Variants in NRG1 observed in about 807,000 individuals in gnomAD.
NRG1 encodes neuregulin 1, also known as pro-neuregulin-1, membrane-bound isoform.
NRG1 carries 18 observed loss-of-function variants against 63.8 expected under a neutral mutation model. The ratio of observed to expected loss-of-function variants is 0.28; its 90% CI spans 0.19 to 0.42. NRG1 has a LOEUF of 0.42. Among genes scored for constraint, NRG1 ranks in the 10% least tolerant of loss-of-function variants. NRG1 has a pLI of 1.00. For missense variants in NRG1, 762 were observed against 814.7 expected, an observed-to-expected ratio of 0.94 and a Z score of 0.79; for synonymous variants, 302 against 301.3, an observed-to-expected ratio of 1.00 and a Z score of -0.02.
intron 1 of NRG1, among the ~76,000 whole-genome samples, chr8:32,404,066 T>C (rs17713685): frequency 0.25 from 37,626 of 152,128 alleles, 4,938 homozygotes; most frequent in Middle Eastern, 0.34. Context: ...GATAGCAGAT[T>C]TTGGACCAGC....
intron 1 of NRG1, among the ~76,000 whole-genome samples, chr8:31,913,507 A>G (rs1458355508): frequency 6.6e-6 from 1 of 152,126 alleles, no homozygotes; most frequent in African/African-American, 2.4e-5. Context: ...TTTTCTTTTC[A>G]TCTTACATTT....
At chr8:31,909,781 G>C (rs1291470856) in intron 1 of NRG1, among the ~76,000 whole-genome samples, 3 of 152,162 alleles carry the variant, frequency 2.0e-5, no homozygotes, top group Non-Finnish European at 4.4e-5. Context: ...ATCAAGCGGT[G>C]CGTTGTACAT....
rs1811037705 is a variant in NRG1, at chr8:31,991,321, TTC to T, written c.37+351894_37+351895del. ...CTTCTTCTTCCTCCTCTTCTTCTTC[TTC>T]TCTTTTTCTCTTTCTTTCCTCTTTA... On this transcript the variant is annotated intron_variant, in intron 1 of 10. Transcript: ENST00000519301. Among the ~76,000 whole-genome samples, 4 of 151,512 alleles carry T rather than the reference TTC, an allele frequency of 2.6e-5. 1 individual carries two copies. Among genetic ancestry groups the T allele is most frequent in the Admixed American group, 2.6e-4 (4 of 15,196 alleles).
At chr8:32,404,757 A>G (rs1328080056) in intron 1 of NRG1, among the ~76,000 whole-genome samples, 3 of 151,506 alleles carry the variant, frequency 2.0e-5, no homozygotes, top group Non-Finnish European at 4.4e-5. Context: ...GCTAATTTTT[A>G]TACTTTTAGT....
chr8:31,974,262 C>T (rs1296299641), intron 1 of NRG1, among the ~76,000 whole-genome samples: 2 of 152,148 alleles, frequency 1.3e-5, no homozygotes, highest in Non-Finnish European at 2.9e-5. Context: ...AACTCCTGGG[C>T]TCAAGTGGTC....
At chr8:32,239,038 G>C (rs1229626223) in intron 1 of NRG1, among the ~76,000 whole-genome samples, 1 of 152,274 alleles carries the variant, frequency 6.6e-6, no homozygotes. Flanking sequence ...TCTTCAACTT[G>C]TTAGCTATGT....
chr8:32,547,681 T>C (rs1262992996), upstream of NRG1, among the ~76,000 whole-genome samples: 1 of 151,976 alleles, frequency 6.6e-6, no homozygotes, highest in Non-Finnish European at 1.5e-5. Flanking sequence ...AAGGTTCGCT[T>C]AGCCCTTCCT....
At chr8:32,027,468 C>T (rs1222103304) in intron 1 of NRG1, among the ~76,000 whole-genome samples, 11 of 132,896 alleles carry the variant, frequency 8.3e-5, no homozygotes, top group Non-Finnish European at 1.3e-4. Context: ...TTCCTTCCTT[C>T]CCTCCCTCCC....
At chr8:32,225,443 A>G (rs1444442325) in intron 1 of NRG1, among the ~76,000 whole-genome samples, 1 of 152,146 alleles carries the variant, frequency 6.6e-6, no homozygotes, top group African/African-American at 2.4e-5. Flanking sequence ...GAATGCTAAA[A>G]CTATTTTATG....
chr8:32,728,097 T>C lies in NRG1; in HGVS notation c.632+19T>C, dbSNP rs777886402. ...TGTGCAAGTAAGAAAAGAAATCCTG[T>C]GTGTCGCTTATGTCTATAACTCCTT... On this transcript the variant is annotated intron_variant, in intron 6 of 11. Coordinates refer to ENST00000356819, the Ensembl canonical transcript of NRG1. 3 of 1,613,702 alleles carry C rather than the reference T, an allele frequency of 1.9e-6. No homozygotes were observed. Among genetic ancestry groups the C allele is most frequent in the Non-Finnish European group, 2.5e-6 (3 of 1,179,742 alleles).
intron 1 of NRG1, among the ~76,000 whole-genome samples, chr8:32,134,019 T>C (rs1835185837): frequency 6.6e-6 from 1 of 152,108 alleles, no homozygotes; most frequent in African/African-American, 2.4e-5. Context: ...ATAAAAGAAT[T>C]TTACACTCTG....
At chr8:32,763,135 A>C (rs1831011843) in intron 11 of NRG1, 1 of 1,405,724 alleles carries the variant, frequency 7.1e-7, no homozygotes, top group South Asian at 1.2e-5. Flanking sequence ...GTTGCATTTC[A>C]TGGAAAAAAT....
At chr8:31,865,420 G>A (rs535318600) in intron 1 of NRG1, among the ~76,000 whole-genome samples, 65 of 152,224 alleles carry the variant, frequency 4.3e-4, no homozygotes, top group African/African-American at 1.3e-3. Flanking sequence ...TCTCTGAAAT[G>A]CAGAGAATCT....
At chr8:31,907,596 A>C (rs1832631968) in intron 1 of NRG1, among the ~76,000 whole-genome samples, 1 of 152,044 alleles carries the variant, frequency 6.6e-6, no homozygotes, top group Non-Finnish European at 1.5e-5. Flanking sequence ...TGCTTTGTAA[A>C]CTGTAGCTCT....
chr8:32,401,480 C>T (rs9886497), intron 1 of NRG1, among the ~76,000 whole-genome samples: 38,608 of 152,008 alleles, frequency 0.25, 5,172 homozygotes, highest in Middle Eastern at 0.34. Context: ...TTTTCATGTT[C>T]TGTCCACTGC....
chr8:31,778,329 C>T (rs1410725542), intron 1 of NRG1, among the ~76,000 whole-genome samples: 2 of 152,144 alleles, frequency 1.3e-5, no homozygotes, highest in South Asian at 2.1e-4. Flanking sequence ...AAGCATGAAG[C>T]CAGCCAGCCT....
At chr8:31,841,246 G>C (rs1826176130) in intron 1 of NRG1, among the ~76,000 whole-genome samples, 1 of 151,684 alleles carries the variant, frequency 6.6e-6, no homozygotes, top group Non-Finnish European at 1.5e-5. Flanking sequence ...TGGGGGGTGG[G>C]TGGGCTTCTG....
At chr8:32,208,329 G>T (rs916472684) in intron 1 of NRG1, among the ~76,000 whole-genome samples, 11 of 151,238 alleles carry the variant, frequency 7.3e-5, no homozygotes, top group Admixed American at 2.0e-4. Context: ...TGTTGTCCAG[G>T]CTGGAGTGAA....
intron 1 of NRG1, among the ~76,000 whole-genome samples, chr8:31,961,875 ATAAAAT>A (rs1183883255): frequency 1.3e-5 from 2 of 152,226 alleles, no homozygotes; most frequent in African/African-American, 4.8e-5. Context: ...ATAATAAAAG[ATAAAAT>A]TAAATTTGTC....
Sources: allele counts gnomAD v4.1 joint callset (sites outside exome capture counted in the v4.1 genomes callset), GRCh38; gene constraint gnomAD v4.1.1; transcripts MANE v1.5; gene names NCBI Gene and HGNC (gene_info 2026-07-23, HGNC 2026-07-21).